The following SNX19 variants were observed in gnomAD, a reference collection of about 807,000 sequenced individuals.
SNX19 encodes sorting nexin 19.
SNX19 carries 60 observed loss-of-function variants against 85.2 expected under a neutral mutation model. The ratio of observed to expected loss-of-function variants is 0.70; its 90% CI spans 0.57 to 0.87. The LOEUF (loss-of-function observed/expected upper bound fraction) is 0.87. SNX19 is among the 40% of genes least tolerant of loss of function. The probability of loss-of-function intolerance (pLI) is 0.00; values close to 1 mark genes in which losing one functional copy is unlikely to be tolerated. For missense variants in SNX19, 1,201 were observed against 1,217.8 expected (o/e 0.99, Z 0.21); for synonymous variants, 520 against 470.0 (o/e 1.11, Z -1.38).
Position 130,914,801 on chromosome 11 carries a change from A to C in SNX19, c.1139T>G (p.Leu380Arg). The C allele has an allele frequency of 6.2e-7, 1 of 1,614,244 alleles. No homozygotes were observed. Among genetic ancestry groups the C allele is most frequent in the Non-Finnish European group, 8.5e-7 (1 of 1,180,042 alleles). Residue 380 changes from leucine to arginine, a missense_variant, in exon 1 of 11, where the codon CTG becomes CGG. Leu to Arg is a moderately radical substitution (Grantham distance 102). Coordinates refer to ENST00000265909, the MANE Select transcript of SNX19 (RefSeq NM_014758.3). ...DSELESPLSE[L>R]GKETIMLMTP... is the part of the protein sequence containing the mutation. ...CATGAGCATGATGGTTTCTTTGCCCAGTTCAGACAGCGGAGACTCCAGCTC... is the reference window on the plus strand; with the variant it reads ...CATGAGCATGATGGTTTCTTTGCCCCGTTCAGACAGCGGAGACTCCAGCTC...
chr11:130,899,104 A>G (rs1210893804), intron 8 of SNX19, among the ~76,000 whole-genome samples: 2 of 152,234 alleles, frequency 1.3e-5, no homozygotes, highest in African/African-American at 4.8e-5. Context: ...ACTTGGAGGA[A>G]TTAAATGGTA....
At chr11:130,906,172 G>A (rs750743916) in intron 6 of SNX19, 39 bp from the exon 7 acceptor site, 2 of 1,590,748 alleles carry the variant, frequency 1.3e-6, no homozygotes, top group African/African-American at 1.3e-5. Flanking sequence ...ATGGAATGCT[G>A]ACAGTAGGGG....
At position 130,873,082 on chromosome 11, in the gene SNX19, C is replaced by G. The variant is rs183896471; in HGVS notation, c.*5340G>C. ...CACTTTTACTAGGCCTCACTCCGGACCTATTGAATCAAAATTTGCATTTTA... is the reference window on the plus strand; with the variant it reads ...CACTTTTACTAGGCCTCACTCCGGAGCTATTGAATCAAAATTTGCATTTTA... On this transcript the variant is annotated 3_prime_UTR_variant, in exon 11 of 11. Coordinates refer to ENST00000265909, the MANE Select transcript of SNX19 (RefSeq NM_014758.3). Among the ~76,000 whole-genome samples, 1 of 152,266 alleles carries G rather than the reference C, an allele frequency of 6.6e-6. No homozygotes were observed. The highest frequency in any genetic ancestry group is 1.9e-4 in the East Asian group (1 of 5,170).
intron 8 of SNX19, among the ~76,000 whole-genome samples, chr11:130,900,868 A>C (rs1945215652): frequency 1.3e-5 from 2 of 152,210 alleles, no homozygotes; most frequent in Admixed American, 6.5e-5. Flanking sequence ...TGACATCCAG[A>C]GGTGACAGAA....
Position 130,914,722 on chromosome 11 carries a change from C to G in SNX19, c.1218G>C (p.Glu406Asp). Residue 406 changes from glutamate to aspartate, a missense_variant, in exon 1 of 11, where the codon GAG (glutamate) becomes GAC (aspartate). Glu to Asp is a conservative substitution (Grantham distance 45). Transcript: ENST00000265909. ...CTTTGGGTTCCAGAGCCTGGGAACT[C>G]TCTAGGGCACACAGGGCATCCTGAA... ...DRIQDALCAL[E>D]SSQALEPKDG... The G allele has an allele frequency of 6.2e-7, 1 of 1,614,064 alleles. No individual in the cohort carries two copies. Among genetic ancestry groups the G allele is most frequent in the Non-Finnish European group, 8.5e-7 (1 of 1,179,994 alleles).
At chr11:130,901,189 C>T (rs1435464813) in intron 8 of SNX19, among the ~76,000 whole-genome samples, 2 of 152,182 alleles carry the variant, frequency 1.3e-5, no homozygotes, top group Non-Finnish European at 2.9e-5. Context: ...ATCTCCTTCC[C>T]AGTTGTGACA....
intron 1 of SNX19, among the ~76,000 whole-genome samples, chr11:130,912,078 C>T (rs1422900405): frequency 6.6e-6 from 1 of 152,144 alleles, no homozygotes; most frequent in Non-Finnish European, 1.5e-5. Flanking sequence ...GCATAACATC[C>T]ATAAAAATGA....
rs1943003277 is a variant in SNX19, at chr11:130,870,929, A to G, written c.*7493T>C. On this transcript the variant is annotated 3_prime_UTR_variant, in exon 11 of 11. Coordinates refer to ENST00000265909, the MANE Select transcript of SNX19 (RefSeq NM_014758.3). ...TACTGAGGACTTCATATACATGCAC[A>G]TTGACTAGAGAGGCAGTGTAAATAA... Among the ~76,000 whole-genome samples the G allele has an allele frequency of 6.6e-6, 1 of 152,150 alleles. No homozygotes were observed. Among genetic ancestry groups the G allele is most frequent in the Non-Finnish European group, 1.5e-5 (1 of 68,028 alleles).
chr11:130,903,683 G>C, intron 7 of SNX19, among the ~76,000 whole-genome samples: 1 of 145,218 alleles, frequency 6.9e-6, no homozygotes, highest in East Asian at 2.0e-4. Context: ...ATATATATAT[G>C]TGTGTATATA....
intron 8 of SNX19, among the ~76,000 whole-genome samples, chr11:130,884,742 C>T (rs1262006827): frequency 3.3e-5 from 5 of 151,716 alleles, no homozygotes; most frequent in South Asian, 2.1e-4. Context: ...CGGTGGCGCA[C>T]GCCTGTAGTC....
At chr11:130,899,499 A>C (rs922630654) in intron 8 of SNX19, among the ~76,000 whole-genome samples, 1 of 152,228 alleles carries the variant, frequency 6.6e-6, no homozygotes, top group Non-Finnish European at 1.5e-5. Context: ...AATGATTTGT[A>C]GGGATACATG....
chr11:130,882,164 T>A (rs1450141912), intron 8 of SNX19, among the ~76,000 whole-genome samples: 1 of 152,200 alleles, frequency 6.6e-6, no homozygotes, highest in East Asian at 1.9e-4. Context: ...CAAAGTGATA[T>A]GGTCAGAAGT....
chr11:130,914,485 C>T lies in SNX19; in HGVS notation c.1455G>A (p.Lys485=), dbSNP rs979031783. The change falls in exon 1 of 11, where the codon AAG becomes AAA. Residue 485 remains lysine (K), a synonymous_variant. Transcript: ENST00000265909. ...TCPSRPSCLE[K]DLTNDVSSLD... is the part of the protein sequence containing the mutation. ...GGGAGCTCACATCATTGGTGAGATC[C>T]TTCTCTAAGCATGACGGCCGTGAGG... 6 of 1,613,856 alleles carry T rather than the reference C, an allele frequency of 3.7e-6. No individual in the cohort carries two copies. Among genetic ancestry groups the T allele is most frequent in the Non-Finnish European group, 5.1e-6 (6 of 1,179,796 alleles).
intron 8 of SNX19, among the ~76,000 whole-genome samples, chr11:130,900,863 T>A (rs888312885): frequency 6.6e-6 from 1 of 152,142 alleles, no homozygotes; most frequent in East Asian, 1.9e-4. Flanking sequence ...ATTAGTGACA[T>A]CCAGAGGTGA....
rs1942815949 is a variant in SNX19, at chr11:130,867,465, A to G, written c.*10957T>C. ...AGGCTCTTGGACTCCATGAAAATTT[A>G]AGGATGTGGCTTCTTTTTCATATCT... On this transcript the variant is annotated 3_prime_UTR_variant, in exon 11 of 11. Transcript: ENST00000265909. The G allele has an allele frequency of 6.6e-6, 1 of 152,190 alleles. No individual in the cohort carries two copies. Among genetic ancestry groups the G allele is most frequent in the Admixed American group, 6.5e-5 (1 of 15,280 alleles). 9.4% of individuals were successfully genotyped at this position (152,190 alleles called of 1,614,324 possible). A position where few individuals can be genotyped will look rare whatever the true frequency, so the allele number is the denominator to read the frequency against.
chr11:130,893,187 A>C (rs1024522108), intron 8 of SNX19: 1 of 152,470 alleles, frequency 6.6e-6, no homozygotes, highest in African/African-American at 2.4e-5. Context: ...GAAGGGTTGC[A>C]GGAGGCAGAA....
chr11:130,911,530 A>G, intron 2 of SNX19, 103 bp downstream of exon 2: 1 of 1,561,024 alleles, frequency 6.4e-7, no homozygotes, highest in South Asian at 1.2e-5. Flanking sequence ...GAGAACCTTG[A>G]AACGGCATTC....
chr11:130,908,962 AAGGCTG>A (rs1352077495), intron 4 of SNX19, among the ~76,000 whole-genome samples: 1 of 152,226 alleles, frequency 6.6e-6, no homozygotes, highest in Non-Finnish European at 1.5e-5. Context: ...TAGCCAAGAC[AAGGCTG>A]AAGAGAGTGG....
chr11:130,871,462 C>CATT lies in SNX19; in HGVS notation c.*6959_*6960insAAT, dbSNP rs762121048. 3.3e-5 allele frequency among the ~76,000 whole-genome samples: 5 copies of CATT among 152,120 alleles called. No homozygotes were observed. The highest frequency in any genetic ancestry group is 7.4e-5 in the Non-Finnish European group (5 of 68,026). ...TAAACTCCAAAAGTGTTTTTCCTCC[C>CATT]TTAATAAGGTCTATTCTTCTTGGTG... On this transcript the variant is annotated 3_prime_UTR_variant, in exon 11 of 11. Coordinates refer to ENST00000265909, the MANE Select transcript of SNX19 (RefSeq NM_014758.3).
Sources: allele counts gnomAD v4.1 joint callset (sites outside exome capture counted in the v4.1 genomes callset), GRCh38; gene constraint gnomAD v4.1.1; transcripts MANE v1.5; gene names NCBI Gene and HGNC (gene_info 2026-07-23, HGNC 2026-07-21).